Variants in ADGRG4 observed in about 807,000 individuals in gnomAD.
ADGRG4 encodes adhesion G protein-coupled receptor G4, also known as G protein-coupled receptor 112.
In ADGRG4, 122 loss-of-function variants were observed where a neutral mutation model predicts 126.2. The observed-to-expected ratio is 0.97, with a 90% CI of 0.83 to 1.12. The LOEUF is 1.12. ADGRG4 is among the 50% of genes most tolerant of loss of function. ADGRG4 has a pLI of 0.00. For synonymous variants in ADGRG4, 943 were observed against 838.7 expected (o/e 1.12, Z -2.15); for missense variants, 2,481 against 2,251.8 (o/e 1.10, Z -2.06).
In ADGRG4 at chrX:136,359,364, T is replaced by G. The variant is rs2075113481; in HGVS notation, c.7053T>G (p.Ser2351Arg). The change falls in exon 11 of 26, where the codon AGT becomes AGG. Residue 2351 changes from serine to arginine, a missense_variant. Physicochemically the swap from Ser to Arg is moderately radical, Grantham distance 110. Coordinates refer to ENST00000394143, the MANE Select transcript of ADGRG4 (RefSeq NM_153834.4). ...ASSELMRKIK[S>R]KIHGNFTHGN... ...CTGAATTGATGAGAAAAATCAAAAG[T>G]AAAATACATGGCAACTTCACACATG... 7 of 1,206,235 alleles carry G rather than the reference T, an allele frequency of 5.8e-6. No homozygotes were observed. Among genetic ancestry groups the G allele is most frequent in the Non-Finnish European group, 7.9e-6 (7 of 890,991 alleles).
intron 4 of ADGRG4, among the ~76,000 whole-genome samples, chrX:136,310,902 C>T (rs2074765547): frequency 9.0e-6 from 1 of 111,604 alleles, no homozygotes; most frequent in Non-Finnish European, 1.9e-5. Flanking sequence ...TCCTAGTTCT[C>T]TGTCTTAGTC....
At chrX:136,410,826 T>C (rs1340298877) in intron 23 of ADGRG4, among the ~76,000 whole-genome samples, 2 of 111,472 alleles carry the variant, frequency 1.8e-5, no homozygotes, top group Admixed American at 1.9e-4. Flanking sequence ...AAATGGGAAA[T>C]AGACGAATAA....
intron 4 of ADGRG4, among the ~76,000 whole-genome samples, chrX:136,317,921 G>A (rs1489287490): frequency 2.7e-5 from 3 of 112,211 alleles, no homozygotes; most frequent in African/African-American, 9.7e-5. Context: ...GGAGAAATTG[G>A]AGCCCTCATA....
intron 23 of ADGRG4, among the ~76,000 whole-genome samples, chrX:136,411,252 G>A (rs1459196642): frequency 2.7e-5 from 3 of 112,346 alleles, no homozygotes; most frequent in Non-Finnish European, 5.6e-5. Context: ...GTTTCTCTGT[G>A]TTGACCAAGT....
chrX:136,317,187 G>A (rs2074809917), intron 4 of ADGRG4, among the ~76,000 whole-genome samples: 1 of 111,284 alleles, frequency 9.0e-6, no homozygotes, highest in Non-Finnish European at 1.9e-5. Context: ...CCTTTGGTTT[G>A]GCAATGGATT....
intron 5 of ADGRG4, among the ~76,000 whole-genome samples, 181 bp from the exon 6 acceptor site, chrX:136,344,211 G>A (rs1371678604): frequency 9.0e-6 from 1 of 111,415 alleles, no homozygotes; most frequent in African/African-American, 3.3e-5. Flanking sequence ...AGAGTGTTAT[G>A]AGTACCATAT....
chrX:136,325,354 C>A, intron 5 of ADGRG4, among the ~76,000 whole-genome samples: 1 of 111,903 alleles, frequency 8.9e-6, no homozygotes, highest in Admixed American at 9.5e-5. Flanking sequence ...TAGACCAATG[C>A]AAAGGAGCAG....
intron 15 of ADGRG4, among the ~76,000 whole-genome samples, chrX:136,383,878 T>C (rs58628040): frequency 1.4e-3 from 112 of 82,757 alleles, no homozygotes; most frequent in Non-Finnish European, 2.5e-3. Flanking sequence ...TTCTTTCTTC[T>C]TTCTTCCTTT....
Position 136,349,341 on chromosome X carries a change from C to T in ADGRG4, c.5635C>T (p.Leu1879Phe), listed in dbSNP as rs751501503. 8.3e-7 allele frequency: 1 copy of T among 1,209,528 alleles called. No homozygotes were observed. The highest frequency in any genetic ancestry group is 1.1e-6 in the Non-Finnish European group (1 of 893,729). ...GACATCTAGTAATACCCAACCTCTGCTTATGACTTCCTGGAACATACCCAC... is the reference window on the plus strand; with the variant it reads ...GACATCTAGTAATACCCAACCTCTGTTTATGACTTCCTGGAACATACCCAC... ...RMTSSNTQPL[L>F]MTSWNIPTAE... Residue 1879 changes from leucine to phenylalanine, a missense_variant, in exon 6 of 26, where the codon CTT becomes TTT. By Grantham distance (22) the Leu-to-Phe change is conservative (BLOSUM62 0). Transcript: ENST00000394143.
chrX:136,388,109 G>T (rs2075301481), intron 16 of ADGRG4, among the ~76,000 whole-genome samples: 1 of 111,886 alleles, frequency 8.9e-6, no homozygotes, highest in African/African-American at 3.3e-5. Context: ...GGATTATCTG[G>T]TGGCTAAACA....
In ADGRG4 at chrX:136,323,253, G is replaced by A; in HGVS notation, c.546G>A (p.Leu182=). ...KSMMRSFPGS[L]YYFQLWDHIL... ...TGATGCGTAGCTTTCCTGGCAGCTT[G>A]TACTACTTTCAACTCTGGGACCACA... The change falls in exon 5 of 26, where the codon TTG becomes TTA. Residue 182 remains leucine, a synonymous_variant. Coordinates refer to ENST00000394143, the MANE Select transcript of ADGRG4 (RefSeq NM_153834.4). 8.3e-7 allele frequency: 1 copy of A among 1,211,623 alleles called. No homozygotes were observed. Among genetic ancestry groups the A allele is most frequent in the Non-Finnish European group, 1.1e-6 (1 of 895,503 alleles).
At chrX:136,373,109 T>A in intron 15 of ADGRG4, 45 bp downstream of exon 15, 1 of 1,092,782 alleles carries the variant, frequency 9.2e-7, no homozygotes, top group East Asian at 3.1e-5. Context: ...CCAAGCACTG[T>A]TTCAGGTCTT....
chrX:136,406,747 C>G (rs928535137), intron 23 of ADGRG4, among the ~76,000 whole-genome samples: 2 of 110,519 alleles, frequency 1.8e-5, no homozygotes, highest in Non-Finnish European at 3.8e-5. Context: ...AACCCCGTCT[C>G]TACTAAAAAA....
At chrX:136,332,008 TA>T (rs1365457697) in intron 5 of ADGRG4, among the ~76,000 whole-genome samples, 21 of 109,322 alleles carry the variant, frequency 1.9e-4, no homozygotes, top group African/African-American at 6.3e-4. Flanking sequence ...TTTTAATTTT[TA>T]TTTTTTTTAT....
chrX:136,337,122 G>A (rs2074952652), intron 5 of ADGRG4, among the ~76,000 whole-genome samples: 1 of 110,770 alleles, frequency 9.0e-6, no homozygotes. Context: ...GCACCACCAC[G>A]CCCAGTTATT....
At chrX:136,338,214 G>A (rs1390237337) in intron 5 of ADGRG4, among the ~76,000 whole-genome samples, 3 of 107,099 alleles carry the variant, frequency 2.8e-5, no homozygotes, top group Non-Finnish European at 5.8e-5. Context: ...CTGGAGTACA[G>A]TGGCGCGATC....
intron 15 of ADGRG4, among the ~76,000 whole-genome samples, chrX:136,381,309 T>C (rs1389416584): frequency 9.0e-6 from 1 of 111,178 alleles, no homozygotes; most frequent in African/African-American, 3.3e-5. Context: ...TGAAGTGCAG[T>C]GGCACAATCA....
chrX:136,407,305 C>T (rs2075418806), intron 23 of ADGRG4, among the ~76,000 whole-genome samples: 1 of 106,257 alleles, frequency 9.4e-6, no homozygotes, highest in African/African-American at 3.4e-5. Flanking sequence ...TGGAATAGCA[C>T]TGTATACATT....
chrX:136,381,383 C>G (rs2148487134), intron 15 of ADGRG4, among the ~76,000 whole-genome samples: 1 of 110,791 alleles, frequency 9.0e-6, no homozygotes, highest in Non-Finnish European at 1.9e-5. Flanking sequence ...TCCCGAGTAG[C>G]TGGGACCACA....
Sources: gnomAD v4.1 joint callset for allele counts (sites outside exome capture counted in the v4.1 genomes callset) on GRCh38, gnomAD v4.1.1 for gene constraint, MANE v1.5 for transcripts, NCBI Gene and HGNC (gene_info 2026-07-23, HGNC 2026-07-21) for gene names.